UTY: variants seen among roughly 807,000 people sequenced by gnomAD.
UTY encodes the protein ubiquitously transcribed tetratricopeptide repeat containing, Y-linked, also known as histone demethylase UTY.
In UTY, 12 loss-of-function variants were observed where a neutral mutation model predicts 32.5. The ratio of observed to expected loss-of-function variants is 0.37; its 90% confidence interval spans 0.24 to 0.60. The LOEUF is 0.60. Ranked by LOEUF, UTY falls within the 20% of genes least tolerant of loss-of-function variation. The pLI, the probability that UTY is intolerant of heterozygous loss-of-function variation, is 0.69. For synonymous variants in UTY, 131 were observed against 103.4 expected (o/e 1.27, Z -1.62); for missense variants, 303 against 299.2 (o/e 1.01, Z -0.09).
intron 15 of UTY, among the ~76,000 whole-genome samples, chrY:13,357,102 T>C: frequency 3.0e-5 from 1 of 32,853 alleles, no homozygotes; most frequent in Non-Finnish European, 7.5e-5. Context: ...ATCCTCAAGA[T>C]ACATCTTTAA....
At chrY:13,283,168 GCCC>G (rs2057139359) in intron 27 of UTY, among the ~76,000 whole-genome samples, 1 of 34,222 alleles carries the variant, frequency 2.9e-5, no homozygotes, top group East Asian at 7.8e-4. Context: ...TTTGGAACCT[GCCC>G]CATTCCATCG....
At chrY:13,351,547 A>C (rs771655043) in intron 17 of UTY, among the ~76,000 whole-genome samples, 1 of 32,459 alleles carries the variant, frequency 3.1e-5, no homozygotes, top group Admixed American at 2.8e-4. Context: ...CTGATAACTG[A>C]GGGACAGCAA....
chrY:13,410,656 T>TTC (rs34733631), intron 6 of UTY, among the ~76,000 whole-genome samples: 4 of 32,778 alleles, frequency 1.2e-4, no homozygotes, highest in South Asian at 1.3e-3. Flanking sequence ...AACTGGCCTG[T>TTC]TCTCTCTCTC....
chrY:13,358,471 G>T lies in UTY; in HGVS notation c.1469C>A (p.Pro490Gln). Reference protein sequence around the residue: ...SPAKKKRTSSPTKNGSDNWNG... With the variant: ...SPAKKKRTSSQTKNGSDNWNG... Reference sequence around the variant, plus strand: ...TCTAAAATGTATATATACCTTTGTTGGACTAGATGTTCTTTTCTTCTTGGC... The same window carrying T: ...TCTAAAATGTATATATACCTTTGTTTGACTAGATGTTCTTTTCTTCTTGGC... The change falls in exon 14 of 30, where the codon CCA becomes CAA. Residue 490 changes from proline (P) to glutamine (Q), a missense_variant. Transcript: ENST00000545955. 1 of 377,709 alleles carries T rather than the reference G, an allele frequency of 2.6e-6. No individual in the cohort carries two copies. Among genetic ancestry groups the T allele is most frequent in the Non-Finnish European group, 3.7e-6 (1 of 272,489 alleles). The allele number at this position is 377,709 out of a possible 400,897, so 94.2% of individuals were successfully genotyped here. A position where few individuals can be genotyped will look rare whatever the true frequency, so the allele number is the denominator to read the frequency against.
At chrY:13,300,247 T>G (rs914674360) in intron 25 of UTY, among the ~76,000 whole-genome samples, 1 of 33,298 alleles carries the variant, frequency 3.0e-5, no homozygotes, top group African/African-American at 1.2e-4. Flanking sequence ...CTCATTTTTT[T>G]GTTACTCTCC....
intron 2 of UTY, among the ~76,000 whole-genome samples, chrY:13,476,943 G>A: frequency 3.1e-5 from 1 of 32,642 alleles, no homozygotes; most frequent in Non-Finnish European, 7.5e-5. Flanking sequence ...TAAACCTTTA[G>A]AAGCTTGTAA....
intron 3 of UTY, among the ~76,000 whole-genome samples, chrY:13,457,077 G>C (rs376952757): frequency 3.0e-5 from 1 of 33,400 alleles, no homozygotes; most frequent in South Asian, 6.5e-4. Context: ...CCTAAAGTCT[G>C]TTTCTAAAAA....
At chrY:13,355,602 C>T in intron 16 of UTY, 1 of 339,551 alleles carries the variant, frequency 2.9e-6, no homozygotes, top group Non-Finnish European at 4.0e-6. Context: ...CAAAATAAAG[C>T]TGCTAAAGAT....
upstream of UTY, chrY:13,480,297 G>C (rs998871964): frequency 2.9e-5 from 1 of 34,455 alleles, no homozygotes; most frequent in Non-Finnish European, 7.3e-5. Flanking sequence ...GTTGCGATAC[G>C]CTTGAAGGGG....
intron 27 of UTY, among the ~76,000 whole-genome samples, chrY:13,279,041 G>A: frequency 3.0e-5 from 1 of 33,779 alleles, no homozygotes; most frequent in Admixed American, 2.6e-4. Flanking sequence ...TCTCAGCATG[G>A]TGAAAGTCTA....
intron 28 of UTY, among the ~76,000 whole-genome samples, chrY:13,235,308 G>GGA (rs2053841415): frequency 3.0e-5 from 1 of 33,105 alleles, no homozygotes; most frequent in Non-Finnish European, 7.5e-5. Context: ...CTGCAGCTGT[G>GGA]GGAAGGCTCA....
At chrY:13,344,711 T>C in intron 17 of UTY, among the ~76,000 whole-genome samples, 1 of 33,752 alleles carries the variant, frequency 3.0e-5, no homozygotes, top group Non-Finnish European at 7.4e-5. Flanking sequence ...AAATGGAATC[T>C]GCATACAACT....
intron 6 of UTY, among the ~76,000 whole-genome samples, chrY:13,398,337 G>C: frequency 2.4e-4 from 8 of 33,466 alleles, no homozygotes; most frequent in South Asian, 6.5e-4. Flanking sequence ...TTTAAGTTGG[G>C]CTTTTCAGCA....
At chrY:13,444,951 A>T (rs2075513687) in intron 4 of UTY, among the ~76,000 whole-genome samples, 1 of 30,845 alleles carries the variant, frequency 3.2e-5, no homozygotes, top group Non-Finnish European at 7.8e-5. Flanking sequence ...AGGTCAGGAG[A>T]TCAAGACAAT....
chrY:13,306,886 T>G lies in UTY; in HGVS notation c.3277-636A>C, dbSNP rs377592232. Among the ~76,000 whole-genome samples the G allele has an allele frequency of 0.013, 436 of 33,017 alleles. No homozygotes were observed. In the Middle Eastern group the frequency reaches 0.29, roughly 22 times the overall value. 88.6% of individuals were successfully genotyped at this position (33,017 alleles called of 37,273 possible). On this transcript the variant is annotated intron_variant, in intron 21 of 29. Coordinates refer to ENST00000545955, the MANE Select transcript of UTY (RefSeq NM_001258249.2). ...AATAAAGAAAAAGCGTTGTTTTGTT[T>G]TTCCCTGTAGACACTGTTTTATGAG...
chrY:13,233,937 C>T, downstream of UTY, among the ~76,000 whole-genome samples: 1 of 34,192 alleles, frequency 2.9e-5, no homozygotes, highest in African/African-American at 1.1e-4. Context: ...TCTAGCTGAA[C>T]ATGAAAGAGA....
At chrY:13,268,124 A>C in intron 27 of UTY, among the ~76,000 whole-genome samples, 1 of 32,693 alleles carries the variant, frequency 3.1e-5, no homozygotes, top group African/African-American at 1.2e-4. Flanking sequence ...AGTGTTTTAC[A>C]ACTTGGTTCC....
Position 13,479,735 on chromosome Y carries a change from A to G in UTY, c.-70T>C. Reference sequence around the variant, plus strand: ...TCGAGTAGTTGAAAAGACGCCTTCAATCGCTGCTTGAGACTGTGACGCCAA... The same window carrying G: ...TCGAGTAGTTGAAAAGACGCCTTCAGTCGCTGCTTGAGACTGTGACGCCAA... On this transcript the variant is annotated 5_prime_UTR_variant, in exon 1 of 30. Coordinates refer to ENST00000545955, the MANE Select transcript of UTY (RefSeq NM_001258249.2). 2.7e-6 allele frequency: 1 copy of G among 369,631 alleles called. No individual in the cohort carries two copies. Among genetic ancestry groups the G allele is most frequent in the Non-Finnish European group, 3.8e-6 (1 of 264,403 alleles). The allele number at this position is 369,631 out of a possible 400,897, so 92.2% of individuals were successfully genotyped here.
At chrY:13,396,318 T>A (rs2068225933) in intron 7 of UTY, 1 of 33,442 alleles carries the variant, frequency 3.0e-5, no homozygotes, top group Non-Finnish European at 7.4e-5. Context: ...AAAATTGACA[T>A]AAAAGGTCTT....
Sources: allele counts gnomAD v4.1 joint callset (sites outside exome capture counted in the v4.1 genomes callset), GRCh38; gene constraint gnomAD v4.1.1; transcripts MANE v1.5; gene names NCBI Gene and HGNC (gene_info 2026-07-23, HGNC 2026-07-21).